SLC25A13: variants seen among roughly 807,000 people sequenced by gnomAD.
SLC25A13 encodes solute carrier family 25 member 13.
SLC25A13 carries 70 observed loss-of-function variants against 85.5 expected under a neutral mutation model. The ratio of observed to expected loss-of-function variants is 0.82; its 90% CI spans 0.68 to 1.00. The LOEUF (loss-of-function observed/expected upper bound fraction) is 1.00, where lower values mean the gene tolerates loss of function less well. Ranked by LOEUF, SLC25A13 falls within the 50% of genes least tolerant of loss-of-function variation. SLC25A13 has a pLI of 0.00. For missense variants in SLC25A13, 765 were observed against 819.8 expected (o/e 0.93, Z 0.82); for synonymous variants, 259 against 288.7 (o/e 0.90, Z 1.04).
At chr7:96,283,497 T>C (rs533924941) in intron 2 of SLC25A13, 37 of 406,556 alleles carry the variant, frequency 9.1e-5, no homozygotes, top group South Asian at 7.3e-4. Context: ...GAATGAGTAC[T>C]GTTCAAAAAG....
intron 11 of SLC25A13, among the ~76,000 whole-genome samples, chr7:96,172,899 T>TA (rs1049268849): frequency 2.6e-5 from 4 of 151,960 alleles, no homozygotes; most frequent in African/African-American, 9.7e-5. Context: ...GCTGGGACTA[T>TA]AGGCGCCTGC....
At chr7:96,181,077 C>A (rs1205801478) in intron 11 of SLC25A13, among the ~76,000 whole-genome samples, 4 of 152,124 alleles carry the variant, frequency 2.6e-5, no homozygotes, top group African/African-American at 9.7e-5. Flanking sequence ...ACAACAACAA[C>A]AACAACAAAC....
chr7:96,203,623 T>A (rs1795345161), intron 5 of SLC25A13, among the ~76,000 whole-genome samples: 1 of 152,218 alleles, frequency 6.6e-6, no homozygotes, highest in African/African-American at 2.4e-5. Context: ...TTGTTCTAGT[T>A]AACAGAAATA....
intron 3 of SLC25A13, among the ~76,000 whole-genome samples, chr7:96,243,207 C>A (rs1407289304): frequency 2.0e-5 from 3 of 152,210 alleles, no homozygotes; most frequent in East Asian, 1.9e-4. Context: ...CTCAGGTGAT[C>A]CACCCGCCTC....
intron 1 of SLC25A13, among the ~76,000 whole-genome samples, chr7:96,311,178 G>A (rs956911515): frequency 3.3e-5 from 5 of 152,108 alleles, no homozygotes; most frequent in Non-Finnish European, 5.9e-5. Flanking sequence ...AATATTTAAA[G>A]TTAGCTAATT....
chr7:96,205,880 C>T (rs1194746402), intron 5 of SLC25A13, among the ~76,000 whole-genome samples: 1 of 151,822 alleles, frequency 6.6e-6, no homozygotes, highest in Non-Finnish European at 1.5e-5. Context: ...AAGATCCTCA[C>T]AGCCACATGG....
chr7:96,126,177 G>C lies in SLC25A13; in HGVS notation c.1592-4180C>G, dbSNP rs556164533. Reference sequence around the variant, plus strand: ...CTCTCCTGAATGGGAGGGTCTATGGGCTTTGTGTAACTGGGTGCAAGGGGT... The same window carrying C: ...CTCTCCTGAATGGGAGGGTCTATGGCCTTTGTGTAACTGGGTGCAAGGGGT... On this transcript the variant is annotated intron_variant, in intron 15 of 17. Transcript: ENST00000265631. Among the ~76,000 whole-genome samples, 35 of 152,288 alleles carry C rather than the reference G, an allele frequency of 2.3e-4. No homozygotes were observed. In the South Asian group the frequency reaches 7.0e-3, roughly 31 times the overall value.
chr7:96,134,239 T>C (rs1311421093), intron 14 of SLC25A13, among the ~76,000 whole-genome samples: 11 of 152,004 alleles, frequency 7.2e-5, no homozygotes, highest in African/African-American at 2.7e-4. Flanking sequence ...TTTCACCACG[T>C]TGGGCAGGCT....
chr7:96,146,650 T>G lies in SLC25A13; in HGVS notation c.1358A>C (p.Lys453Thr). ...VIFTNPLEIV[K>T]IRLQVAGEIT... Reference sequence around the variant, plus strand: ...TTCTCCTGCCACTTGCAAACGGATCTTGACGATTTCTAAAGGATTTGTGAA... The same window carrying G: ...TTCTCCTGCCACTTGCAAACGGATCGTGACGATTTCTAAAGGATTTGTGAA... The change falls in exon 14 of 18, where the codon AAG becomes ACG. Residue 453 changes from lysine to threonine, a missense_variant. Lys to Thr is a moderately conservative substitution (Grantham distance 78). Coordinates refer to ENST00000265631, the MANE Select transcript of SLC25A13 (RefSeq NM_014251.3). 1 of 1,614,130 alleles carries G rather than the reference T, an allele frequency of 6.2e-7. No individual in the cohort carries two copies. The highest frequency in any genetic ancestry group is 1.1e-5 in the South Asian group (1 of 91,080).
At chr7:96,245,915 C>A (rs866283432) in intron 3 of SLC25A13, among the ~76,000 whole-genome samples, 4 of 152,072 alleles carry the variant, frequency 2.6e-5, no homozygotes, top group Non-Finnish European at 4.4e-5. Context: ...CTAATTAAGG[C>A]TGGATAAAAA....
intron 4 of SLC25A13, among the ~76,000 whole-genome samples, chr7:96,231,276 G>A (rs770571049): frequency 2.0e-5 from 3 of 152,100 alleles, no homozygotes; most frequent in Non-Finnish European, 4.4e-5. Context: ...TAACTAAAGG[G>A]CATTCTGCAC....
intron 11 of SLC25A13, among the ~76,000 whole-genome samples, chr7:96,172,869 C>T (rs919537232): frequency 2.2e-4 from 33 of 152,108 alleles, no homozygotes; most frequent in African/African-American, 8.0e-4. Context: ...TGCCATTCTC[C>T]TGCCTCAGCC....
chr7:96,230,484 A>C (rs1046985318), intron 4 of SLC25A13, among the ~76,000 whole-genome samples: 4 of 152,232 alleles, frequency 2.6e-5, no homozygotes, highest in African/African-American at 7.2e-5. Flanking sequence ...AGTGTACTTT[A>C]AAAAATCACT....
At chr7:96,245,417 A>G (rs548315036) in intron 3 of SLC25A13, among the ~76,000 whole-genome samples, 2 of 152,322 alleles carry the variant, frequency 1.3e-5, no homozygotes, top group South Asian at 2.1e-4. Flanking sequence ...ATGATTCTAC[A>G]TCAAGGAAAA....
chr7:96,280,076 T>C (rs545135277), intron 2 of SLC25A13, among the ~76,000 whole-genome samples: 1 of 152,266 alleles, frequency 6.6e-6, no homozygotes, highest in Admixed American at 6.5e-5. Context: ...TGACAGCTCT[T>C]GTCATCACTG....
intron 2 of SLC25A13, among the ~76,000 whole-genome samples, chr7:96,292,501 A>G (rs1053008505): frequency 6.6e-6 from 1 of 152,252 alleles, no homozygotes; most frequent in African/African-American, 2.4e-5. Flanking sequence ...TCCTGTTTGC[A>G]GATGACATGA....
At chr7:96,127,838 C>A (rs963732286) in intron 15 of SLC25A13, among the ~76,000 whole-genome samples, 9 of 152,186 alleles carry the variant, frequency 5.9e-5, no homozygotes, top group African/African-American at 1.9e-4. Context: ...AGAAGCTTTT[C>A]TCCTATTAAA....
Position 96,241,037 on chromosome 7 carries a change from G to GGAAAGAAAGAAAGAAAGAAAGAAA in SLC25A13, c.213-6144_213-6121dup, listed in dbSNP as rs200466951. Among the ~76,000 whole-genome samples the GGAAAGAAAGAAAGAAAGAAAGAAA allele has an allele frequency of 9.9e-5, 8 of 80,674 alleles. No homozygotes were observed. In the East Asian group the frequency reaches 1.1e-3, roughly 11 times the overall value. The allele number at this position is 80,674 out of a possible 152,430, so 52.9% of individuals were successfully genotyped here. On this transcript the variant is annotated intron_variant, in intron 3 of 17. Transcript: ENST00000265631. ...AAGAAAAGAAAAGAAAAGAAAGAAAGGAAAGAAAGAAAGAAAGAAAGAAAG... is the reference window on the plus strand; with the variant it reads ...AAGAAAAGAAAAGAAAAGAAAGAAAGGAAAGAAAGAAAGAAAGAAAGAAAGAAAGAAAGAAAGAAAGAAAGAAAG...
chr7:96,317,575 C>G (rs978600760), intron 1 of SLC25A13, among the ~76,000 whole-genome samples: 1 of 151,888 alleles, frequency 6.6e-6, no homozygotes, highest in Non-Finnish European at 1.5e-5. Flanking sequence ...GATCTTTACT[C>G]TTCCCCATCC....
Sources: allele counts gnomAD v4.1 joint callset (sites outside exome capture counted in the v4.1 genomes callset), GRCh38; gene constraint gnomAD v4.1.1; transcripts MANE v1.5; gene names NCBI Gene and HGNC (gene_info 2026-07-23, HGNC 2026-07-21).